The following PTGER3 variants were observed in gnomAD, a reference collection of about 807,000 sequenced individuals.
PTGER3 encodes the protein prostaglandin E2 receptor EP3 subtype.
In PTGER3, 22 loss-of-function variants were observed where a neutral mutation model predicts 34.7. That is an observed-to-expected ratio of 0.63 (90% CI 0.45 to 0.91). The LOEUF is 0.91. Among genes scored for constraint, PTGER3 ranks in the 40% least tolerant of loss-of-function variants. The pLI is 0.00. For synonymous variants in PTGER3, 241 were observed against 230.1 expected (o/e 1.05, Z -0.43); for missense variants, 468 against 519.4 (o/e 0.90, Z 0.96).
At chr1:71,011,723 A>G (rs1657465802) in intron 2 of PTGER3, 12 of 977,304 alleles carry the variant, frequency 1.2e-5, no homozygotes, top group Non-Finnish European at 1.5e-5. Flanking sequence ...TTATAAATAC[A>G]TTATACATTT....
At chr1:70,963,553 T>A (rs1240397842) in intron 2 of PTGER3, among the ~76,000 whole-genome samples, 5 of 152,182 alleles carry the variant, frequency 3.3e-5, no homozygotes, top group Admixed American at 6.5e-5. Context: ...GTGTGGAAGC[T>A]GCCAAGGCCC....
rs181864286 is a variant in PTGER3 at position 70,971,788 on chromosome 1, T to A, written c.1170-55A>T. On this transcript the variant is annotated intron_variant, in intron 3 of 3. Transcript: ENST00000306666. ...AAGCATGGATGGGGATTATTTTTTT[T>A]AAATTTTGTGTATGGTGTGAGGAGT... is the stretch of plus-strand genomic sequence containing the variant. 6.4e-3 allele frequency: 8,389 copies of A among 1,305,960 alleles called. 428 individuals are homozygous for A. In the African/African-American group the frequency reaches 0.11, roughly 17 times the overall value. 80.9% of individuals were successfully genotyped at this position (1,305,960 alleles called of 1,614,324 possible).
In PTGER3 at chr1:71,046,814, G is replaced by A. The variant is rs1660868531; in HGVS notation, c.764C>T (p.Ala255Val). Residue 255 changes from alanine (A) to valine (V), a missense_variant, in exon 1 of 4, where the codon GCC becomes GTC. Around this residue, in one of 5 missense-constraint regions of PTGER3, gnomAD observed 204 missense variants for 230.8 expected, o/e 0.88. Transcript: ENST00000306666. ...TFSCNLATIKALVSRCRAKAT... is the reference protein window; with the variant it reads ...TFSCNLATIKVLVSRCRAKAT... Reference sequence around the variant, plus strand: ...CTTGGCCCGGCAGCGGGACACCAGGGCCTTAATGGTGGCCAGGTTGCAGGA... The same window carrying A: ...CTTGGCCCGGCAGCGGGACACCAGGACCTTAATGGTGGCCAGGTTGCAGGA... 1 of 1,614,126 alleles carries A rather than the reference G, an allele frequency of 6.2e-7. No homozygotes were observed. The highest frequency in any genetic ancestry group is 8.5e-7 in the Non-Finnish European group (1 of 1,180,048).
At chr1:70,974,217 C>T in intron 3 of PTGER3, 80 bp downstream of exon 3, 3 of 1,557,334 alleles carry the variant, frequency 1.9e-6, no homozygotes. Context: ...AGATGGTCTG[C>T]CTTTGTAGCA....
chr1:70,972,040 A>G (rs948027563), intron 3 of PTGER3, among the ~76,000 whole-genome samples: 6 of 152,176 alleles, frequency 3.9e-5, no homozygotes, highest in Non-Finnish European at 7.3e-5. Flanking sequence ...TCAAAACATC[A>G]AAGTAGGCCA....
intron 4 of PTGER3, among the ~76,000 whole-genome samples, chr1:70,913,195 C>T (rs780623082): frequency 5.3e-5 from 8 of 151,740 alleles, no homozygotes; most frequent in Non-Finnish European, 1.2e-4. Context: ...TTTCAGTGTA[C>T]CATTTTTTTG....
intron 4 of PTGER3, chr1:70,869,245 A>C: frequency 4.3e-6 from 2 of 470,544 alleles, no homozygotes; most frequent in Non-Finnish European, 8.8e-6. Flanking sequence ...CTCACTCACT[A>C]TCATGAGAAC....
intron 4 of PTGER3, among the ~76,000 whole-genome samples, chr1:70,944,686 A>G (rs948579885): frequency 6.6e-6 from 1 of 152,098 alleles, no homozygotes; most frequent in Non-Finnish European, 1.5e-5. Flanking sequence ...CTGTATCTGA[A>G]ATAAGTGGAT....
At chr1:70,999,168 T>A (rs916484994) in intron 2 of PTGER3, among the ~76,000 whole-genome samples, 1 of 152,154 alleles carries the variant, frequency 6.6e-6, no homozygotes, top group East Asian at 1.9e-4. Flanking sequence ...CAAAAGACAA[T>A]GTACAAAATA....
chr1:70,958,213 C>G (rs561105084), intron 2 of PTGER3, among the ~76,000 whole-genome samples: 4 of 152,102 alleles, frequency 2.6e-5, no homozygotes, highest in African/African-American at 9.6e-5. Context: ...TGATATATGC[C>G]CAGTAATGAG....
chr1:70,952,346 A>C, downstream of PTGER3: 1 of 903,748 alleles, frequency 1.1e-6, no homozygotes. Context: ...AGCCCCTTCT[A>C]CTACATCACA....
chr1:70,866,336 T>C (rs1210543680), intron 4 of PTGER3, among the ~76,000 whole-genome samples: 1 of 152,192 alleles, frequency 6.6e-6, no homozygotes, highest in Non-Finnish European at 1.5e-5. Flanking sequence ...ATAACCCATG[T>C]TGGTCTCAAT....
chr1:70,956,661 A>C (rs1651367466), intron 2 of PTGER3, among the ~76,000 whole-genome samples: 1 of 152,146 alleles, frequency 6.6e-6, no homozygotes, highest in Non-Finnish European at 1.5e-5. Context: ...TGGACTATGG[A>C]GTCAAGATAC....
intron 4 of PTGER3, among the ~76,000 whole-genome samples, chr1:70,905,614 C>A (rs1222640564): frequency 6.6e-6 from 1 of 152,194 alleles, no homozygotes; most frequent in South Asian, 2.1e-4. Flanking sequence ...GGCCTGTAAC[C>A]TCTTTGTTTG....
At chr1:70,924,721 A>G (rs770212922) in intron 4 of PTGER3, among the ~76,000 whole-genome samples, 3 of 152,274 alleles carry the variant, frequency 2.0e-5, no homozygotes, top group Non-Finnish European at 2.9e-5. Flanking sequence ...ACATTCTCTT[A>G]AATTAAACTG....
chr1:70,930,700 T>G (rs1040231674), intron 4 of PTGER3, among the ~76,000 whole-genome samples: 1 of 152,152 alleles, frequency 6.6e-6, no homozygotes, highest in East Asian at 1.9e-4. Flanking sequence ...TCAGATCTCA[T>G]GATACTTATT....
chr1:70,870,409 A>G (rs1646138033), intron 4 of PTGER3, among the ~76,000 whole-genome samples: 1 of 152,194 alleles, frequency 6.6e-6, no homozygotes, highest in South Asian at 2.1e-4. Flanking sequence ...TGTCTCGGCT[A>G]TTAGCACTTG....
intron 3 of PTGER3, among the ~76,000 whole-genome samples, chr1:70,973,202 T>TGATAGATAGATAGATAATGATA (rs1653286851): frequency 6.9e-6 from 1 of 143,902 alleles, no homozygotes; most frequent in African/African-American, 2.6e-5. Flanking sequence ...TATAGATAGA[T>TGATAGATAGATAGATAATGATA]GATAGATAGA....
chr1:70,979,258 T>C (rs1294140295), intron 2 of PTGER3, among the ~76,000 whole-genome samples: 1 of 151,876 alleles, frequency 6.6e-6, no homozygotes, highest in Admixed American at 6.6e-5. Flanking sequence ...ACATTTTTTA[T>C]ATGCAATGTC....
Sources: allele counts gnomAD v4.1 joint callset (sites outside exome capture counted in the v4.1 genomes callset), GRCh38; gene constraint gnomAD v4.1.1; regional missense constraint gnomAD v4.1.1; transcripts MANE v1.5; gene names NCBI Gene and HGNC (gene_info 2026-07-23, HGNC 2026-07-21).